Variants in TIMP3 observed in about 807,000 individuals in gnomAD.
TIMP3 encodes metalloproteinase inhibitor 3.
Under a neutral mutation model 30.0 loss-of-function variants are expected in TIMP3, and 11 were observed. The observed-to-expected ratio is 0.37, with a 90% confidence interval of 0.23 to 0.61. The LOEUF (loss-of-function observed/expected upper bound fraction) is 0.61, where lower values mean the gene tolerates loss of function less well. Ranked by LOEUF, TIMP3 falls within the 20% of genes least tolerant of loss-of-function variation. The pLI is 0.70. For missense variants in TIMP3, 181 were observed against 276.8 expected (o/e 0.65, Z 2.45); for synonymous variants, 112 against 111.3 (o/e 1.01, Z -0.04).
At chr22:32,813,910 T>C (rs1047313586) in intron 1 of TIMP3, among the ~76,000 whole-genome samples, 2 of 152,170 alleles carry the variant, frequency 1.3e-5, no homozygotes, top group African/African-American at 4.8e-5. Context: ...GCCTGGCTCA[T>C]TGCCTGGCAT....
rs1286744092 is a variant in TIMP3 at position 32,859,355 on chromosome 22, T to C, written c.614T>C (p.Ile205Thr). The change falls in exon 5 of 5, where the codon ATC (isoleucine) becomes ACC (threonine). Residue 205 changes from isoleucine (I) to threonine (T), a missense_variant. Coordinates refer to ENST00000266085, the MANE Select transcript of TIMP3 (RefSeq NM_000362.5). ...YRGWAPPDKS[I>T]INATDP ...GGATGGGCCCCCCCGGATAAAAGCA[T>C]CATCAATGCCACAGACCCCTGAGCG... 2 of 1,612,058 alleles carry C rather than the reference T, an allele frequency of 1.2e-6. No individual in the cohort carries two copies. Among genetic ancestry groups the C allele is most frequent in the Non-Finnish European group, 1.7e-6 (2 of 1,180,026 alleles).
At chr22:32,819,506 T>C (rs952485114) in intron 1 of TIMP3, among the ~76,000 whole-genome samples, 10 of 152,232 alleles carry the variant, frequency 6.6e-5, no homozygotes, top group Non-Finnish European at 1.2e-4. Context: ...CATTAATACA[T>C]ATGCTATGGA....
At chr22:32,852,452 AAGAG>A (rs573424402) in intron 2 of TIMP3, among the ~76,000 whole-genome samples, 1 of 152,136 alleles carries the variant, frequency 6.6e-6, no homozygotes, top group Non-Finnish European at 1.5e-5. Flanking sequence ...TGTAGGAGGG[AAGAG>A]AGAGAGGCCA....
intron 2 of TIMP3, 48 bp from the exon 3 acceptor site, chr22:32,857,201 G>T: frequency 1.4e-6 from 2 of 1,415,916 alleles, no homozygotes; most frequent in Non-Finnish European, 2.0e-6. Flanking sequence ...GATCATACGG[G>T]TGTCCAAACT....
chr22:32,852,370 T>G (rs2048244142), intron 2 of TIMP3, among the ~76,000 whole-genome samples: 1 of 152,110 alleles, frequency 6.6e-6, no homozygotes, highest in Admixed American at 6.5e-5. Context: ...CAGTTTGGGT[T>G]TGTTGGTTTA....
chr22:32,833,560 C>A (rs1482361699), intron 1 of TIMP3, among the ~76,000 whole-genome samples: 1 of 152,160 alleles, frequency 6.6e-6, no homozygotes, highest in Non-Finnish European at 1.5e-5. Flanking sequence ...CTGAAGGTCC[C>A]ACCCAACCTA....
chr22:32,859,737 T>G lies in TIMP3; in HGVS notation c.*360T>G. On this transcript the variant is annotated 3_prime_UTR_variant, in exon 5 of 5. Transcript: ENST00000266085. The stretch of plus-strand genomic sequence containing the variant: ...TTGAGGATTGTAATTCCCACCCCTC[T>G]TGCTTCTTCCCCACCTCACCATCTC... 3.6e-6 allele frequency: 1 copy of G among 279,992 alleles called. No homozygotes were observed. Among genetic ancestry groups the G allele is most frequent in the Non-Finnish European group, 6.8e-6 (1 of 146,836 alleles). The allele number at this position is 279,992 out of a possible 1,614,324, so 17.3% of individuals were successfully genotyped here.
chr22:32,817,333 A>G (rs242089), intron 1 of TIMP3, among the ~76,000 whole-genome samples: 70,468 of 152,052 alleles, frequency 0.46, 16,703 homozygotes, highest in Admixed American at 0.56. Context: ...TGACCTGTTT[A>G]GCTCTGTTTA....
chr22:32,855,103 C>G (rs924962047), intron 2 of TIMP3, among the ~76,000 whole-genome samples: 1 of 152,194 alleles, frequency 6.6e-6, no homozygotes, highest in African/African-American at 2.4e-5. Flanking sequence ...ATTATAAACC[C>G]TTGGGACAAG....
chr22:32,822,012 G>A (rs961795970), intron 1 of TIMP3, among the ~76,000 whole-genome samples: 4 of 151,984 alleles, frequency 2.6e-5, no homozygotes, highest in East Asian at 1.9e-4. Flanking sequence ...AAAATTAGCC[G>A]GGCGTGGTGG....
At chr22:32,814,351 G>GAAAGAA (rs1555970165) in intron 1 of TIMP3, among the ~76,000 whole-genome samples, 1 of 14,574 alleles carries the variant, frequency 6.9e-5, no homozygotes, top group Non-Finnish European at 2.0e-4. Context: ...GAAAGAAAGA[G>GAAAGAA]AGAAAGAAAG....
At chr22:32,828,696 G>A (rs192805413) in intron 1 of TIMP3, among the ~76,000 whole-genome samples, 22 of 152,304 alleles carry the variant, frequency 1.4e-4, no homozygotes, top group East Asian at 1.9e-4. Flanking sequence ...CCAATCCAGC[G>A]GGAGTTCTTA....
At position 32,861,351 on chromosome 22, in the gene TIMP3, G is replaced by A. The variant is rs1014251117; in HGVS notation, c.*1974G>A. On this transcript the variant is annotated 3_prime_UTR_variant, in exon 5 of 5. Transcript: ENST00000266085. ...TTGTGGTCATGCCATTTGGCAGGGG[G>A]AGAATGGGAGGCTTGGCCTTCTTTG... The A allele has an allele frequency of 3.9e-5, 6 of 152,072 alleles. No individual in the cohort carries two copies. Among genetic ancestry groups the A allele is most frequent in the African/African-American group, 1.5e-4 (6 of 41,324 alleles). The allele number at this position is 152,072 out of a possible 1,614,324, so 9.4% of individuals were successfully genotyped here.
In TIMP3 at chr22:32,859,315, T is replaced by TGCAGCTGGTACC; in HGVS notation, c.576_587dup (p.Ser193_Arg196dup). ...CTGCATCCGGCAGAAGGGCGGCTAC[T>TGCAGCTGGTACC]GCAGCTGGTACCGAGGATGGGCCCC... On this transcript the variant is annotated inframe_insertion, in exon 5 of 5. Transcript: ENST00000266085. The TGCAGCTGGTACC allele has an allele frequency of 1.2e-6, 2 of 1,614,114 alleles. No individual in the cohort carries two copies. The highest frequency in any genetic ancestry group is 1.7e-6 in the Non-Finnish European group (2 of 1,180,048).
At chr22:32,811,428 C>A (rs1261740681) in intron 1 of TIMP3, among the ~76,000 whole-genome samples, 2 of 152,108 alleles carry the variant, frequency 1.3e-5, no homozygotes, top group Non-Finnish European at 2.9e-5. Context: ...ACTTCACTTT[C>A]GGTGAGGAAA....
chr22:32,857,964 G>A (rs955096382), intron 3 of TIMP3, 53 bp from the exon 4 acceptor site: 11 of 1,613,670 alleles, frequency 6.8e-6, no homozygotes, highest in African/African-American at 1.3e-5. Context: ...ATTCTCTCTG[G>A]GCTAGGCTCT....
In TIMP3 at chr22:32,849,630, T is replaced by G; in HGVS notation, c.204+96T>G. ...GGCAAAGTGGGTTGGAACTGGGGTG[T>G]GTGTCTAAGCACCAGCCAGACCCAG... On this transcript the variant is annotated intron_variant, in intron 2 of 4. Coordinates refer to ENST00000266085, the MANE Select transcript of TIMP3 (RefSeq NM_000362.5). 3.7e-6 allele frequency: 4 copies of G among 1,077,818 alleles called. No individual in the cohort carries two copies. The Admixed American group carries it at 7.9e-5, about 21-fold the overall frequency. The allele number at this position is 1,077,818 out of a possible 1,614,324, so 66.8% of individuals were successfully genotyped here. A position where few individuals can be genotyped will look rare whatever the true frequency, so the allele number is the denominator to read the frequency against.
chr22:32,830,998 A>G (rs1462115470), intron 1 of TIMP3, among the ~76,000 whole-genome samples: 2 of 152,158 alleles, frequency 1.3e-5, no homozygotes, highest in Admixed American at 1.3e-4. Context: ...GGAAGAGGAG[A>G]AACATGAAGG....
chr22:32,844,979 T>C (rs1958760232), intron 1 of TIMP3, among the ~76,000 whole-genome samples: 1 of 152,228 alleles, frequency 6.6e-6, no homozygotes, highest in Admixed American at 6.5e-5. Flanking sequence ...TCCTCCTGCC[T>C]TGGCCTCCCA....
Sources: allele counts gnomAD v4.1 joint callset (sites outside exome capture counted in the v4.1 genomes callset), GRCh38; gene constraint gnomAD v4.1.1; transcripts MANE v1.5; gene names NCBI Gene and HGNC (gene_info 2026-07-23, HGNC 2026-07-21).